Variants in WDR44 observed in about 807,000 individuals in gnomAD.
WDR44 encodes WD repeat-containing protein 44.
Under a neutral mutation model 65.7 loss-of-function variants are expected in WDR44, and 9 were observed. The ratio of observed to expected loss-of-function variants is 0.14; its 90% CI spans 0.08 to 0.24. The LOEUF (loss-of-function observed/expected upper bound fraction) is 0.24. Ranked by LOEUF, WDR44 falls within the 10% of genes least tolerant of loss-of-function variation. The pLI, the probability that WDR44 is intolerant of heterozygous loss-of-function variation, is 1.00. For missense variants in WDR44, 425 were observed against 670.9 expected, an observed-to-expected ratio of 0.63 and a Z score of 4.05; for synonymous variants, 220 against 235.2, an observed-to-expected ratio of 0.94 and a Z score of 0.59.
intron 3 of WDR44, among the ~76,000 whole-genome samples, chrX:118,388,388 C>T (rs2056789617): frequency 9.0e-6 from 1 of 111,379 alleles, no homozygotes; most frequent in Non-Finnish European, 1.9e-5. Flanking sequence ...TCAAGTGATC[C>T]TCCCACCTCA....
chrX:118,380,365 G>C (rs1342003454), intron 2 of WDR44, among the ~76,000 whole-genome samples: 2 of 111,544 alleles, frequency 1.8e-5, no homozygotes, highest in Non-Finnish European at 3.8e-5. Context: ...TCTCCGTTGT[G>C]CTACCCCTTT....
chrX:118,448,574 GC>G (rs993640011), intron 19 of WDR44, among the ~76,000 whole-genome samples: 1 of 111,767 alleles, frequency 8.9e-6, no homozygotes, highest in African/African-American at 3.3e-5. Context: ...CTAGCTTCTT[GC>G]CATGCAATGA....
At chrX:118,415,390 T>G (rs2057049126) in intron 12 of WDR44, among the ~76,000 whole-genome samples, 1 of 112,072 alleles carries the variant, frequency 8.9e-6, no homozygotes, top group Non-Finnish European at 1.9e-5. Context: ...TGATGCTGGC[T>G]TCATAGAATG....
Position 118,409,469 on chromosome X carries a change from A to C in WDR44, c.1534-20A>C. On this transcript the variant is annotated intron_variant, in intron 10 of 19. Coordinates refer to ENST00000254029, the MANE Select transcript of WDR44 (RefSeq NM_019045.5). Reference sequence around the variant, plus strand: ...TAAAGGTGTAAAGTATTAACTTTGAAACTTCTTTTGTTTTCATAGGGAGCT... The same window carrying C: ...TAAAGGTGTAAAGTATTAACTTTGACACTTCTTTTGTTTTCATAGGGAGCT... 2 of 1,204,282 alleles carry C rather than the reference A, an allele frequency of 1.7e-6. No homozygotes were observed. The highest frequency in any genetic ancestry group is 2.2e-6 in the Non-Finnish European group (2 of 892,752).
At chrX:118,395,155 A>T in intron 5 of WDR44, 94 bp from the exon 6 acceptor site, 1 of 805,720 alleles carries the variant, frequency 1.2e-6, no homozygotes, top group South Asian at 2.5e-5. Context: ...CCATTATCTG[A>T]ATTATGAAAT....
In WDR44 at chrX:118,390,893, T is replaced by G. The variant is rs192206699; in HGVS notation, c.187-1739T>G. Among the ~76,000 whole-genome samples, 384 of 112,318 alleles carry G rather than the reference T, an allele frequency of 3.4e-3. 1 individual carries two copies. Among genetic ancestry groups the G allele is most frequent in the African/African-American group, 0.012 (371 of 30,985 alleles). ...ATACAAAGATCACTGGATTTTTAAGTAAGACCTGGATTTCAGTTTTGGCTT... is the reference window on the plus strand; with the variant it reads ...ATACAAAGATCACTGGATTTTTAAGGAAGACCTGGATTTCAGTTTTGGCTT... On this transcript the variant is annotated intron_variant, in intron 3 of 19. Transcript: ENST00000254029.
At chrX:118,398,511 A>G (rs199917945) in intron 8 of WDR44, 41 bp downstream of exon 8, 2 of 1,059,467 alleles carry the variant, frequency 1.9e-6, no homozygotes, top group Non-Finnish European at 2.6e-6. Flanking sequence ...TCAAGTTTTT[A>G]TTTAAAAAAA....
rs2057312441 is a variant in WDR44 at position 118,442,553 on chromosome X, A to T, written c.2269-12A>T. On this transcript the variant is annotated splice_polypyrimidine_tract_variant and intron_variant, in intron 16 of 19. Coordinates refer to ENST00000254029, the MANE Select transcript of WDR44 (RefSeq NM_019045.5). ...GATGATATTTTTAACTTTTCATTTG[A>T]TCTACTTTTAGATATTGGTAACCTC... The T allele has an allele frequency of 8.5e-7, 1 of 1,182,068 alleles. No homozygotes were observed. Among genetic ancestry groups the T allele is most frequent in the African/African-American group, 1.8e-5 (1 of 56,575 alleles).
At chrX:118,383,878 C>CTTTTTTTTTTTTTTTT (rs549809406) in intron 2 of WDR44, among the ~76,000 whole-genome samples, 3 of 69,807 alleles carry the variant, frequency 4.3e-5, no homozygotes, top group Non-Finnish European at 5.2e-5. Flanking sequence ...TTTTTAATTT[C>CTTTTTTTTTTTTTTTT]TTTTTTTTTT....
chrX:118,422,998 A>C (rs2057118259), intron 12 of WDR44, among the ~76,000 whole-genome samples: 1 of 111,170 alleles, frequency 9.0e-6, no homozygotes, highest in Non-Finnish European at 1.9e-5. Flanking sequence ...GTCTTCATTC[A>C]CTCTAGAGAT....
chrX:118,444,055 C>CA (rs200490026), intron 18 of WDR44, among the ~76,000 whole-genome samples: 27,266 of 105,456 alleles, frequency 0.26, 3,084 homozygotes, highest in African/African-American at 0.38. Flanking sequence ...AAAAAAAAGA[C>CA]AAAAAAAAAG....
chrX:118,346,610 G>A (rs755356587), intron 1 of WDR44, 30 bp downstream of exon 1: 5 of 1,112,637 alleles, frequency 4.5e-6, no homozygotes, highest in Admixed American at 2.5e-5. Flanking sequence ...ACAGGAAGCC[G>A]GGCATCCCAA....
intron 11 of WDR44, among the ~76,000 whole-genome samples, 181 bp downstream of exon 11, chrX:118,409,808 A>G (rs1470514064): frequency 8.9e-6 from 1 of 112,217 alleles, no homozygotes; most frequent in African/African-American, 3.2e-5. Flanking sequence ...AAGAGCTGCC[A>G]CAAAGCTTTT....
intron 1 of WDR44, among the ~76,000 whole-genome samples, chrX:118,353,589 A>C (rs1341065134): frequency 8.9e-6 from 1 of 112,090 alleles, no homozygotes; most frequent in African/African-American, 3.2e-5. Flanking sequence ...AACATATATA[A>C]TTTAACAAAA....
chrX:118,442,883 A>T (rs989922568), intron 17 of WDR44, among the ~76,000 whole-genome samples: 9 of 111,857 alleles, frequency 8.0e-5, no homozygotes, highest in African/African-American at 2.9e-4. Flanking sequence ...AGAAACCAAG[A>T]CTCAGAAAAT....
In WDR44 at chrX:118,405,407, T is replaced by G. The variant is rs954401185; in HGVS notation, c.1381+963T>G. On this transcript the variant is annotated intron_variant, in intron 9 of 19. Coordinates refer to ENST00000254029, the MANE Select transcript of WDR44 (RefSeq NM_019045.5). The stretch of plus-strand genomic sequence containing the variant: ...CAGGCTGGAGTACAGTGGCACGATC[T>G]CGGCTCACTTCAACCTCTGCCTCCT... Among the ~76,000 whole-genome samples, 50 of 110,091 alleles carry G rather than the reference T, an allele frequency of 4.5e-4. 1 individual carries two copies. Among genetic ancestry groups the G allele is most frequent in the African/African-American group, 1.6e-3 (49 of 30,204 alleles).
chrX:118,379,379 G>T (rs761400231), intron 2 of WDR44, among the ~76,000 whole-genome samples: 1 of 111,445 alleles, frequency 9.0e-6, no homozygotes, highest in South Asian at 3.7e-4. Flanking sequence ...GATAAATTAT[G>T]ATATGTTTAT....
At chrX:118,410,537 T>C (rs954394141) in intron 11 of WDR44, among the ~76,000 whole-genome samples, 2 of 111,782 alleles carry the variant, frequency 1.8e-5, no homozygotes, top group Non-Finnish European at 3.8e-5. Flanking sequence ...GCAAAAAGAC[T>C]ATTTTCAGTG....
chrX:118,437,188 GAC>G (rs2057261486), intron 14 of WDR44, among the ~76,000 whole-genome samples: 1 of 111,387 alleles, frequency 9.0e-6, no homozygotes, highest in Non-Finnish European at 1.9e-5. Context: ...GGAGGGAAGA[GAC>G]AGAGAAAAAG....
Sources: gnomAD v4.1 joint callset for allele counts (sites outside exome capture counted in the v4.1 genomes callset) on GRCh38, gnomAD v4.1.1 for gene constraint, MANE v1.5 for transcripts, NCBI Gene and HGNC (gene_info 2026-07-23, HGNC 2026-07-21) for gene names.